FBN2: variants seen among roughly 807,000 people sequenced by gnomAD.
The protein encoded by FBN2 is fibrillin 2.
A neutral mutation model predicts 355.6 loss-of-function variants in FBN2; 105 were observed. The observed-to-expected ratio is 0.30, with a 90% CI of 0.25 to 0.35. The LOEUF is 0.35. Ranked by LOEUF, FBN2 falls within the 10% of genes least tolerant of loss-of-function variation. FBN2 has a pLI of 1.00. For missense variants in FBN2, 3,280 were observed against 3,758.7 expected, an observed-to-expected ratio of 0.87 and a Z score of 3.33; for synonymous variants, 1,350 against 1,301.2, an observed-to-expected ratio of 1.04 and a Z score of -0.81.
intron 62 of FBN2, among the ~76,000 whole-genome samples, chr5:128,270,344 A>T (rs1460867420): frequency 6.6e-6 from 1 of 152,160 alleles, no homozygotes; most frequent in Non-Finnish European, 1.5e-5. Flanking sequence ...CTTGGCCAAC[A>T]TGGTGAAACC....
Position 128,261,850 on chromosome 5 carries a change from C to T in FBN2, c.8250G>A (p.Glu2750=). The T allele has an allele frequency of 6.2e-7, 1 of 1,614,148 alleles. No individual in the cohort carries two copies. The highest frequency in any genetic ancestry group is 8.5e-7 in the Non-Finnish European group (1 of 1,179,978). Residue 2750 remains glutamate, a synonymous_variant, in exon 64 of 65, where the codon GAG becomes GAA. Transcript: ENST00000262464. The stretch of plus-strand genomic sequence containing the variant: ...GGGACAGAGCATTTTCCTCATCGAC[C>T]TCTGTATCCAGTGACAGGTACTGCC... ...NKGQYLSLDT[E]VDEENALSPE...
At position 128,319,013 on chromosome 5, in the gene FBN2, A is replaced by T. The variant is rs551686237; in HGVS notation, c.4472-12T>A. 644 of 1,576,628 alleles carry T rather than the reference A, an allele frequency of 4.1e-4. No individual in the cohort carries two copies. Among genetic ancestry groups the T allele is most frequent in the African/African-American group, 1.2e-3 (86 of 74,298 alleles). On this transcript the variant is annotated splice_polypyrimidine_tract_variant and intron_variant, in intron 34 of 64. Coordinates refer to ENST00000262464, the MANE Select transcript of FBN2 (RefSeq NM_001999.4). The stretch of plus-strand genomic sequence containing the variant: ...GCATTCATCAATATCTGAAGATTTT[A>T]AAAAAAAGTAATCTCTTATTTAAGA...
At chr5:128,432,478 C>T (rs1753651675) in intron 7 of FBN2, among the ~76,000 whole-genome samples, 2 of 152,290 alleles carry the variant, frequency 1.3e-5, no homozygotes, top group South Asian at 4.1e-4. Flanking sequence ...TTCGTTTTTA[C>T]TGTCTATGGC....
rs555455936 is a variant in FBN2, at chr5:128,536,907, C to T, written c.255-423G>A. Among the ~76,000 whole-genome samples the T allele has an allele frequency of 6.6e-5, 10 of 152,114 alleles. 1 individual carries two copies. The South Asian group carries it at 2.1e-3, about 32-fold the overall frequency. Reference sequence around the variant, plus strand: ...GGAAAGCGCGTCGCAAGGTGGAGCGCTCGGGTTGACGATGAGAAGGTGAGC... The same window carrying T: ...GGAAAGCGCGTCGCAAGGTGGAGCGTTCGGGTTGACGATGAGAAGGTGAGC... On this transcript the variant is annotated intron_variant, in intron 1 of 64. Transcript: ENST00000262464.
At chr5:128,304,935 T>C (rs560762346) in intron 45 of FBN2, 22 bp downstream of exon 45, 1 of 1,613,914 alleles carries the variant, frequency 6.2e-7, no homozygotes, top group East Asian at 2.2e-5. Flanking sequence ...CTTCACTCCC[T>C]GGAGCCACAT....
chr5:128,416,453 T>G (rs892214117), intron 7 of FBN2, among the ~76,000 whole-genome samples: 4 of 152,236 alleles, frequency 2.6e-5, no homozygotes, highest in Non-Finnish European at 5.9e-5. Flanking sequence ...TTGTTGCCTG[T>G]GCTTTTGAGT....
intron 12 of FBN2, 67 bp downstream of exon 12, chr5:128,378,704 T>G: frequency 6.4e-7 from 1 of 1,572,928 alleles, no homozygotes; most frequent in Admixed American, 1.7e-5. Flanking sequence ...AATTTACTTT[T>G]AACCTCAACA....
intron 11 of FBN2, among the ~76,000 whole-genome samples, chr5:128,389,887 C>A (rs374981667): frequency 9.2e-5 from 14 of 152,198 alleles, no homozygotes; most frequent in Admixed American, 7.9e-4. Flanking sequence ...TCCATACATT[C>A]TTAATGCCTT....
intron 38 of FBN2, 53 bp downstream of exon 38, chr5:128,311,832 T>C (rs1246107090): frequency 2.9e-6 from 4 of 1,368,744 alleles, no homozygotes; most frequent in Non-Finnish European, 4.2e-6. Context: ...AGCTTTTCTC[T>C]ATAATTAACT....
At chr5:128,339,588 G>C (rs1402540382) in intron 25 of FBN2, among the ~76,000 whole-genome samples, 1 of 152,042 alleles carries the variant, frequency 6.6e-6, no homozygotes, top group African/African-American at 2.4e-5. Flanking sequence ...TCTCAAAAAA[G>C]AAAAGAAAAA....
intron 6 of FBN2, among the ~76,000 whole-genome samples, chr5:128,447,892 A>C (rs1011384611): frequency 2.0e-5 from 3 of 152,242 alleles, no homozygotes; most frequent in African/African-American, 4.8e-5. Context: ...TACGTGAAAT[A>C]ACATTGAATT....
At chr5:128,334,978 TATAG>T (rs1449340920) in intron 30 of FBN2, 134 bp from the exon 31 acceptor site, 5 of 1,131,012 alleles carry the variant, frequency 4.4e-6, no homozygotes, top group Admixed American at 2.0e-5. Flanking sequence ...ATCATCGTGT[TATAG>T]ATAAATATAC....
intron 12 of FBN2, 50 bp from the exon 13 acceptor site, chr5:128,377,927 A>G: frequency 6.6e-7 from 1 of 1,512,304 alleles, no homozygotes; most frequent in East Asian, 2.3e-5. Context: ...ATACTTATAG[A>G]TAAACACAGT....
rs1765459845 is a variant in FBN2, at chr5:128,278,747, G to A, written c.7233C>T (p.Cys2411=). 4.3e-6 allele frequency: 7 copies of A among 1,614,152 alleles called. No homozygotes were observed. The highest frequency in any genetic ancestry group is 5.9e-6 in the Non-Finnish European group (7 of 1,180,006). ...SRNLVTKSEC[C]CDGGRGWGHQ... is the part of the protein sequence containing the mutation. ...GGCCCCAGCCTCGCCCACCATCACAGCAGCATTCTGACTTAGTGACGAGAT... is the reference window on the plus strand; with the variant it reads ...GGCCCCAGCCTCGCCCACCATCACAACAGCATTCTGACTTAGTGACGAGAT... The change falls in exon 57 of 65, where the codon TGC becomes TGT. Residue 2411 remains cysteine (C), a synonymous_variant. Coordinates refer to ENST00000262464, the MANE Select transcript of FBN2 (RefSeq NM_001999.4).
At chr5:128,306,963 T>A (rs887868730) in intron 42 of FBN2, among the ~76,000 whole-genome samples, 172 bp downstream of exon 42, 3 of 152,220 alleles carry the variant, frequency 2.0e-5, no homozygotes, top group Non-Finnish European at 4.4e-5. Context: ...AGTATCATTA[T>A]TAATACTTGG....
At chr5:128,491,224 C>T (rs777863611) in intron 5 of FBN2, among the ~76,000 whole-genome samples, 6 of 152,190 alleles carry the variant, frequency 3.9e-5, no homozygotes, top group Admixed American at 3.3e-4. Context: ...TTAAAACTGG[C>T]TTTTAAAAGC....
intron 6 of FBN2, among the ~76,000 whole-genome samples, chr5:128,458,026 T>A (rs909532337): frequency 6.6e-6 from 1 of 152,108 alleles, no homozygotes; most frequent in Non-Finnish European, 1.5e-5. Flanking sequence ...GCAAACTGGA[T>A]AAGCTGTCAA....
intron 18 of FBN2, 148 bp from the exon 19 acceptor site, chr5:128,361,996 C>A: frequency 3.8e-6 from 3 of 787,608 alleles, no homozygotes; most frequent in East Asian, 2.6e-5. Flanking sequence ...TCATCCTAAG[C>A]AAAATATATT....
rs368992981 is a variant in FBN2, at chr5:128,393,153, G to C, written c.1447C>G (p.Pro483Ala). ...CACTTACTTAGTCCAGTGATGATAG[G>C]TCCCTGTCCCCCGGCCCCCACACCG... is the stretch of plus-strand genomic sequence containing the variant. The part of the protein sequence containing the change: ...GAGVGAGGQG[P>A]IITGLTILNQ... The change falls in exon 10 of 65, where the codon CCT becomes GCT. Residue 483 changes from proline to alanine, a missense_variant. Pro to Ala is a conservative substitution (Grantham distance 27, BLOSUM62 -1). Transcript: ENST00000262464. 1 of 1,613,770 alleles carries C rather than the reference G, an allele frequency of 6.2e-7. No homozygotes were observed. Among genetic ancestry groups the C allele is most frequent in the Non-Finnish European group, 8.5e-7 (1 of 1,179,676 alleles).
Sources: allele counts gnomAD v4.1 joint callset (sites outside exome capture counted in the v4.1 genomes callset), GRCh38; gene constraint gnomAD v4.1.1; transcripts MANE v1.5; gene names NCBI Gene and HGNC (gene_info 2026-07-23, HGNC 2026-07-21).